TMED8: variants seen among roughly 807,000 people sequenced by gnomAD.
TMED8 encodes transmembrane p24 trafficking protein family member 8, also known as protein TMED8.
A neutral mutation model predicts 32.7 loss-of-function variants in TMED8; 15 were observed. The observed-to-expected ratio is 0.46, with a 90% CI of 0.31 to 0.71. The LOEUF (loss-of-function observed/expected upper bound fraction) is 0.71. TMED8 is among the 30% of genes least tolerant of loss of function. The pLI is 0.06. For missense variants in TMED8, 390 were observed against 423.9 expected (o/e 0.92, Z 0.70); for synonymous variants, 147 against 161.4 (o/e 0.91, Z 0.68).
chr14:77,365,230 G>T (rs1298935984), intron 1 of TMED8, among the ~76,000 whole-genome samples: 1 of 152,134 alleles, frequency 6.6e-6, no homozygotes, highest in Non-Finnish European at 1.5e-5. Flanking sequence ...GAACTTTACT[G>T]GACCCCTGCT....
rs1462200838 is a variant in TMED8 at position 77,372,929 on chromosome 14, TATATATATATATATATATATATA to T, written c.118+3984_118+4006del. On this transcript the variant is annotated intron_variant, in intron 1 of 5. Transcript: ENST00000216468. ...TATTATATATATATATATATATATA[TATATATATATATATATATATATA>T]TTTTTTTTTTTTTTTTTTTTTTTTT... 9.9e-3 allele frequency among the ~76,000 whole-genome samples: 316 copies of T among 31,954 alleles called. 8 individuals carry two copies. Among genetic ancestry groups the T allele is most frequent in the African/African-American group, 0.058 (282 of 4,888 alleles). The allele number at this position is 31,954 out of a possible 152,430, so 21.0% of individuals were successfully genotyped here.
intron 1 of TMED8, among the ~76,000 whole-genome samples, chr14:77,373,079 C>T (rs1298134092): frequency 8.2e-5 from 12 of 145,774 alleles, no homozygotes; most frequent in Admixed American, 1.4e-4. Context: ...GATTCTCCTG[C>T]CTCAGCCTCC....
chr14:77,362,896 T>C (rs998384746), intron 1 of TMED8, among the ~76,000 whole-genome samples: 3 of 152,182 alleles, frequency 2.0e-5, no homozygotes, highest in Non-Finnish European at 4.4e-5. Flanking sequence ...TATTTGATGA[T>C]AAATGGGTCA....
intron 2 of TMED8, among the ~76,000 whole-genome samples, chr14:77,347,154 G>A (rs1225223940): frequency 2.0e-5 from 3 of 151,888 alleles, no homozygotes; most frequent in African/African-American, 7.3e-5. Context: ...CTCACTCTGC[G>A]GCCCACAGGG....
chr14:77,345,498 C>T (rs1000311493), intron 3 of TMED8, among the ~76,000 whole-genome samples: 4 of 151,884 alleles, frequency 2.6e-5, no homozygotes, highest in African/African-American at 9.7e-5. Context: ...CCCATCCCGC[C>T]CCCATCCCTC....
In TMED8 at chr14:77,376,891, T is replaced by C; in HGVS notation, c.118+45A>G. On this transcript the variant is annotated intron_variant, in intron 1 of 5. Transcript: ENST00000216468. The surrounding 1 kb of genome is among the most constrained non-coding windows in gnomAD (Gnocchi z 4.0). ...AGGCTCGCGCCGTGGTGCGGGGCCC[T>C]GAGGCCGGGCGGCACCCACCCGCCA... 8.1e-7 allele frequency: 1 copy of C among 1,236,540 alleles called. No individual in the cohort carries two copies. Among genetic ancestry groups the C allele is most frequent in the Non-Finnish European group, 1.1e-6 (1 of 946,808 alleles). 76.6% of individuals were successfully genotyped at this position (1,236,540 alleles called of 1,614,324 possible). A position where few individuals can be genotyped will look rare whatever the true frequency, so the allele number is the denominator to read the frequency against.
intron 1 of TMED8, among the ~76,000 whole-genome samples, chr14:77,362,815 G>C (rs1893468412): frequency 6.6e-6 from 1 of 152,132 alleles, no homozygotes; most frequent in South Asian, 2.1e-4. Flanking sequence ...CAGTAACCAA[G>C]AAAGAGCAGA....
rs1348810103 is a variant in TMED8 at position 77,377,043 on chromosome 14, A to C, written c.11T>G (p.Leu4Arg). 3.6e-6 allele frequency: 5 copies of C among 1,370,354 alleles called. No individual in the cohort carries two copies. The highest frequency in any genetic ancestry group is 4.7e-6 in the Non-Finnish European group (5 of 1,070,466). The allele number at this position is 1,370,354 out of a possible 1,614,324, so 84.9% of individuals were successfully genotyped here. MSD[L>R]QAAEGPGSWS... ...GGAGCCCGGCCCCTCAGCCGCCTGC[A>C]GGTCAGACATCTGCAGCCCGCGCAC... Residue 4 changes from leucine to arginine, a missense_variant, in exon 1 of 6, where the codon CTG (leucine) becomes CGG (arginine). Transcript: ENST00000216468.
Position 77,335,689 on chromosome 14 carries a change from C to G in TMED8, c.*6082G>C, listed in dbSNP as rs1050620289. The stretch of plus-strand genomic sequence containing the variant: ...ATCCATCACTTTGATTACAAAACAG[C>G]TCTCTTCTGGGAATTTCAAAACACT... On this transcript the variant is annotated 3_prime_UTR_variant, in exon 6 of 6. Coordinates refer to ENST00000216468, the MANE Select transcript of TMED8 (RefSeq NM_213601.3). The G allele has an allele frequency of 6.6e-6, 1 of 152,170 alleles. No homozygotes were observed. Among genetic ancestry groups the G allele is most frequent in the Non-Finnish European group, 1.5e-5 (1 of 68,032 alleles). 9.4% of individuals were successfully genotyped at this position (152,170 alleles called of 1,614,324 possible).
chr14:77,357,286 A>T (rs534057498), intron 1 of TMED8, among the ~76,000 whole-genome samples: 1 of 152,350 alleles, frequency 6.6e-6, no homozygotes, highest in East Asian at 1.9e-4. Context: ...TTTAATGATA[A>T]AAAGATTAGG....
At chr14:77,347,928 T>C (rs895945542) in intron 2 of TMED8, among the ~76,000 whole-genome samples, 2 of 152,224 alleles carry the variant, frequency 1.3e-5, no homozygotes, top group Non-Finnish European at 2.9e-5. Flanking sequence ...AACTGTTTCA[T>C]AATAACACTA....
At chr14:77,372,922 A>T (rs1344413872) in intron 1 of TMED8, among the ~76,000 whole-genome samples, 2,264 of 22,420 alleles carry the variant, frequency 0.1, 144 homozygotes, top group Non-Finnish European at 0.12. Flanking sequence ...ATATATATAT[A>T]TATATATATA....
chr14:77,349,300 T>C (rs922866761), intron 2 of TMED8, among the ~76,000 whole-genome samples: 2 of 152,032 alleles, frequency 1.3e-5, no homozygotes, highest in Non-Finnish European at 2.9e-5. Context: ...GTATTTTTAA[T>C]AGAGACGGGG....
Position 77,376,267 on chromosome 14 carries a change from T to A in TMED8, c.118+669A>T, listed in dbSNP as rs1334825435. ...AAGAAGAGGATGAGGGTCTTGAGAA[T>A]GAGGGAGGTAGGCCAAATTTTTAAT... On this transcript the variant is annotated intron_variant, in intron 1 of 5. Coordinates refer to ENST00000216468, the MANE Select transcript of TMED8 (RefSeq NM_213601.3). The surrounding 1 kb of genome is among the most constrained non-coding windows in gnomAD (Gnocchi z 4.0). Among the ~76,000 whole-genome samples, 4 of 152,188 alleles carry A rather than the reference T, an allele frequency of 2.6e-5. No homozygotes were observed. The highest frequency in any genetic ancestry group is 4.4e-5 in the Non-Finnish European group (3 of 68,024).
At chr14:77,351,408 C>A (rs1206406409) in intron 2 of TMED8, among the ~76,000 whole-genome samples, 1 of 132,764 alleles carries the variant, frequency 7.5e-6, no homozygotes, top group Non-Finnish European at 1.6e-5. Flanking sequence ...CCACGCCCCG[C>A]TAATTTTTTT....
chr14:77,340,366 A>G lies in TMED8; in HGVS notation c.*1405T>C, dbSNP rs1892866201. 6.6e-6 allele frequency: 1 copy of G among 152,258 alleles called. No homozygotes were observed. The highest frequency in any genetic ancestry group is 2.1e-4 in the South Asian group (1 of 4,834). 9.4% of individuals were successfully genotyped at this position (152,258 alleles called of 1,614,324 possible). A position where few individuals can be genotyped will look rare whatever the true frequency, so the allele number is the denominator to read the frequency against. ...TGAGAAACAGATGGAAACTGTTTCA[A>G]AGGCAAAATGAAATGTGCTAAAAAA... is the stretch of plus-strand genomic sequence containing the variant. On this transcript the variant is annotated 3_prime_UTR_variant, in exon 6 of 6. Transcript: ENST00000216468.
At chr14:77,353,519 G>C (rs139307917) in intron 1 of TMED8, among the ~76,000 whole-genome samples, 1 of 146,166 alleles carries the variant, frequency 6.8e-6, no homozygotes, top group Non-Finnish European at 1.5e-5. Context: ...TATGACTCTC[G>C]GCCTCTTGGC....
chr14:77,343,888 A>G, intron 3 of TMED8, 65 bp from the exon 4 acceptor site: 1 of 1,554,820 alleles, frequency 6.4e-7, no homozygotes, highest in Non-Finnish European at 8.7e-7. Context: ...CTCTTTTTGC[A>G]TGAAGGCTGC....
At position 77,342,742 on chromosome 14, in the gene TMED8, G is replaced by A. The variant is rs1465607633; in HGVS notation, c.760+436C>T. Among the ~76,000 whole-genome samples, 3 of 152,196 alleles carry A rather than the reference G, an allele frequency of 2.0e-5. No homozygotes were observed. The East Asian group carries it at 5.8e-4, about 29-fold the overall frequency. On this transcript the variant is annotated intron_variant, in intron 5 of 5. Coordinates refer to ENST00000216468, the MANE Select transcript of TMED8 (RefSeq NM_213601.3). ...AAAGAAGTAACCAATAGCCAGCTAT[G>A]AGAGTTTGGGATAAGGAGAGAATGG...
Sources: allele counts gnomAD v4.1 joint callset (sites outside exome capture counted in the v4.1 genomes callset), GRCh38; gene constraint gnomAD v4.1.1; non-coding constraint Gnocchi (gnomAD v3.1); transcripts MANE v1.5; gene names NCBI Gene and HGNC (gene_info 2026-07-23, HGNC 2026-07-21).